Variants in HEXD observed in about 807,000 individuals in gnomAD.
HEXD encodes N-acetyl-beta-galactosaminidase.
In HEXD, 47 loss-of-function variants were observed where a neutral mutation model predicts 54.2. The ratio of observed to expected loss-of-function variants is 0.87; its 90% confidence interval spans 0.69 to 1.11. The LOEUF is 1.11. HEXD is among the 50% of genes least tolerant of loss of function. The pLI, the probability that HEXD is intolerant of heterozygous loss-of-function variation, is 0.00. For missense variants in HEXD, 576 were observed against 649.2 expected (o/e 0.89, Z 1.23); for synonymous variants, 293 against 287.6 (o/e 1.02, Z -0.19).
chr17:82,431,597 AG>A (rs1446504034), intron 4 of HEXD, among the ~76,000 whole-genome samples: 1 of 152,024 alleles, frequency 6.6e-6, no homozygotes, highest in African/African-American at 2.4e-5. Flanking sequence ...TCTTCTTAGT[AG>A]AGACGGGGTT....
At chr17:82,440,053 T>C (rs1305398506) in intron 9 of HEXD, 2 of 1,309,442 alleles carry the variant, frequency 1.5e-6, no homozygotes, top group East Asian at 4.7e-5. Flanking sequence ...GCCGAGCAGG[T>C]GTGGGGCTCA....
chr17:82,428,494 G>T (rs1599731219), intron 3 of HEXD, 64 bp from the exon 4 acceptor site: 1 of 1,406,006 alleles, frequency 7.1e-7, no homozygotes, highest in East Asian at 2.3e-5. Context: ...AAGGGCTGGG[G>T]GGGTGGGTGT....
chr17:82,433,126 A>T (rs1034365041), intron 4 of HEXD, among the ~76,000 whole-genome samples: 562 of 13,498 alleles, frequency 0.042, 38 homozygotes, highest in South Asian at 0.058. Flanking sequence ...ATATATATAT[A>T]TATTTTTTTT....
chr17:82,424,151 C>T lies in HEXD; in HGVS notation c.85-243C>T, dbSNP rs138213528. 3.4e-3 allele frequency among the ~76,000 whole-genome samples: 513 copies of T among 152,318 alleles called. 9 individuals carry two copies. Among genetic ancestry groups the T allele is most frequent in the East Asian group, 0.029 (148 of 5,182 alleles). Reference sequence around the variant, plus strand: ...TCCCTCCCAAGCTGAGCCACCAGCGCGTTGAGTAGCAGCCCTGTTTCATAG... The same window carrying T: ...TCCCTCCCAAGCTGAGCCACCAGCGTGTTGAGTAGCAGCCCTGTTTCATAG... On this transcript the variant is annotated intron_variant, in intron 2 of 12. Transcript: ENST00000327949.
Position 82,442,560 on chromosome 17 carries a change from G to A in HEXD, c.*176G>A. 6.3e-7 allele frequency: 1 copy of A among 1,584,090 alleles called. No individual in the cohort carries two copies. Among genetic ancestry groups the A allele is most frequent in the Non-Finnish European group, 8.7e-7 (1 of 1,155,932 alleles). On this transcript the variant is annotated 3_prime_UTR_variant, in exon 13 of 13. Coordinates refer to ENST00000327949, the MANE Select transcript of HEXD (RefSeq NM_001330542.2). This position sits in a 1 kb window ranked among gnomAD's most constrained non-coding sequence, Gnocchi z 6.8. ...CCTGGGGGAGAGACTAGAAAACACA[G>A]AAGGAAGCAGCACAGGGAGACCCGC...
rs886244000 is a variant in HEXD, at chr17:82,418,545, G to GT, written c.-246dup. On this transcript the variant is annotated 5_prime_UTR_variant, in exon 1 of 13. It removes the in-frame stop codon of an upstream open reading frame in the 5' UTR. Transcript: ENST00000327949. ...GGCGCCAGGCCCGGGGACGAACGCC[G>GT]TAACAGGGAGCGCGAGGCAGGCACG... The GT allele has an allele frequency of 5.2e-6, 5 of 969,338 alleles. No homozygotes were observed. The highest frequency in any genetic ancestry group is 1.7e-5 in the African/African-American group (1 of 57,944). The allele number at this position is 969,338 out of a possible 1,614,324, so 60.0% of individuals were successfully genotyped here.
chr17:82,420,162 T>A, intron 2 of HEXD: 1 of 275,442 alleles, frequency 3.6e-6, no homozygotes, highest in Non-Finnish European at 6.8e-6. Flanking sequence ...CAAAAAGATA[T>A]GTTCAAGTCT....
At chr17:82,419,577 A>G (rs1165075235) in intron 1 of HEXD, among the ~76,000 whole-genome samples, 172 bp from the exon 2 acceptor site, 21 of 152,228 alleles carry the variant, frequency 1.4e-4, no homozygotes, top group Admixed American at 1.4e-3. Flanking sequence ...AGAGGTCTCT[A>G]TATCTTAACA....
chr17:82,441,990 T>C, intron 12 of HEXD, 101 bp downstream of exon 12: 1 of 1,376,312 alleles, frequency 7.3e-7, no homozygotes, highest in Non-Finnish European at 1.0e-6. Flanking sequence ...GGTGAGCCCC[T>C]AGTTGTAAAA....
chr17:82,431,927 T>A (rs1008798296), intron 4 of HEXD, among the ~76,000 whole-genome samples: 1 of 152,122 alleles, frequency 6.6e-6, no homozygotes, highest in Non-Finnish European at 1.5e-5. Context: ...CTGGTGGTGG[T>A]CTTTTTGTTG....
Position 82,434,145 on chromosome 17 carries a change from C to T in HEXD, c.447+323C>T, listed in dbSNP as rs1311427729. Among the ~76,000 whole-genome samples, 1 of 152,226 alleles carries T rather than the reference C, an allele frequency of 6.6e-6. No homozygotes were observed. Among genetic ancestry groups the T allele is most frequent in the East Asian group, 1.9e-4 (1 of 5,196 alleles). ...CCCGGGCGGCTGGGCTGGCGGAAGC[C>T]TGTGGGTGATGGGCAGGTTCACGCC... is the stretch of plus-strand genomic sequence containing the variant. On this transcript the variant is annotated intron_variant, in intron 5 of 12. Transcript: ENST00000327949. The surrounding 1 kb of genome is among the most constrained non-coding windows in gnomAD (Gnocchi z 4.5).
intron 9 of HEXD, chr17:82,440,006 G>T (rs981059286): frequency 2.9e-6 from 4 of 1,393,558 alleles, no homozygotes; most frequent in Non-Finnish European, 3.8e-6. Context: ...GGTGGGGAAC[G>T]GCTCCACCTT....
rs141663357 is a variant in HEXD at position 82,437,529 on chromosome 17, C to T, written c.899+166C>T. ...CAGCCACGTGGGGTTGGGCCCTGCA[C>T]GCCAGAGCGGCCGCTGAGGGACGCT... On this transcript the variant is annotated intron_variant, in intron 8 of 12. Coordinates refer to ENST00000327949, the MANE Select transcript of HEXD (RefSeq NM_001330542.2). 1.4e-3 allele frequency among the ~76,000 whole-genome samples: 214 copies of T among 152,342 alleles called. 1 individual carries two copies. In the Middle Eastern group the frequency reaches 0.017, roughly 12 times the overall value.
intron 3 of HEXD, chr17:82,428,243 C>A: frequency 4.9e-6 from 1 of 202,496 alleles, no homozygotes; most frequent in Non-Finnish European, 1.0e-5. Context: ...CCTTGGACTC[C>A]CAAAGTGCTG....
intron 6 of HEXD, among the ~76,000 whole-genome samples, chr17:82,436,348 T>C (rs2053763892): frequency 6.6e-6 from 1 of 152,246 alleles, no homozygotes; most frequent in Non-Finnish European, 1.5e-5. Context: ...CCTAGGGCCG[T>C]GCCGGCCTGG....
Position 82,441,045 on chromosome 17 carries a change from T to C in HEXD, c.1031T>C (p.Ile344Thr). The C allele has an allele frequency of 6.2e-7, 1 of 1,613,608 alleles. No individual in the cohort carries two copies. The highest frequency in any genetic ancestry group is 8.5e-7 in the Non-Finnish European group (1 of 1,180,006). ...VKAKVENLLGISSLEKTDPVR... is the reference protein window; with the variant it reads ...VKAKVENLLGTSSLEKTDPVR... ...GCGAAAGTGGAGAACCTTCTCGGGA[T>C]TTCCAGCCTGGAAAAAACGGACCCT... Residue 344 changes from isoleucine to threonine, a missense_variant, in exon 10 of 13, where the codon ATT (isoleucine) becomes ACT (threonine). By Grantham distance (89) the Ile-to-Thr change is moderately conservative (BLOSUM62 -1). Coordinates refer to ENST00000327949, the MANE Select transcript of HEXD (RefSeq NM_001330542.2).
intron 4 of HEXD, among the ~76,000 whole-genome samples, chr17:82,430,424 T>C (rs1352434396): frequency 6.6e-6 from 1 of 152,262 alleles, no homozygotes; most frequent in Non-Finnish European, 1.5e-5. Context: ...GGTCTCACTC[T>C]GTTTCCCAGG....
chr17:82,421,373 A>G (rs1237161364), intron 2 of HEXD, among the ~76,000 whole-genome samples: 1 of 152,212 alleles, frequency 6.6e-6, no homozygotes, highest in Non-Finnish European at 1.5e-5. Flanking sequence ...CAGCGAAGGG[A>G]AAGGTCCTGG....
intron 4 of HEXD, among the ~76,000 whole-genome samples, 183 bp from the exon 5 acceptor site, chr17:82,433,475 C>T (rs571296057): frequency 1.1e-4 from 17 of 152,272 alleles, no homozygotes; most frequent in African/African-American, 4.1e-4. Context: ...GTCTCAAATT[C>T]CTGAGTTCAA....
Sources: gnomAD v4.1 joint callset for allele counts (sites outside exome capture counted in the v4.1 genomes callset) on GRCh38, gnomAD v4.1.1 for gene constraint, Gnocchi (gnomAD v3.1) non-coding constraint, MANE v1.5 for transcripts, NCBI Gene and HGNC (gene_info 2026-07-23, HGNC 2026-07-21) for gene names.